The following PAIP2 variants were observed in gnomAD, a reference collection of about 807,000 sequenced individuals.
The protein encoded by PAIP2 is poly(A) binding protein interacting protein 2, also known as polyadenylate-binding protein-interacting protein 2.
In PAIP2, 7 loss-of-function variants were observed where a neutral mutation model predicts 14.8. The ratio of observed to expected loss-of-function variants is 0.47; its 90% CI spans 0.27 to 0.89. The LOEUF (loss-of-function observed/expected upper bound fraction) is 0.89, where lower values mean the gene tolerates loss of function less well. PAIP2 is among the 40% of genes least tolerant of loss of function. The pLI is 0.13. For synonymous variants in PAIP2, 47 were observed against 45.3 expected (o/e 1.04, Z -0.15); for missense variants, 122 against 154.7 (o/e 0.79, Z 1.12).
At chr5:139,359,532 C>G (rs1261275029) in intron 1 of PAIP2, among the ~76,000 whole-genome samples, 2 of 152,128 alleles carry the variant, frequency 1.3e-5, no homozygotes, top group African/African-American at 4.8e-5. Flanking sequence ...TTGTACCTAA[C>G]TTAATGATAA....
intron 1 of PAIP2, among the ~76,000 whole-genome samples, chr5:139,363,237 T>C (rs1328073715): frequency 6.6e-6 from 1 of 151,056 alleles, no homozygotes; most frequent in Non-Finnish European, 1.5e-5. Flanking sequence ...TGAAACTCTA[T>C]CTCAAAAAAA....
At chr5:139,346,657 G>T (rs768467481) in intron 1 of PAIP2, among the ~76,000 whole-genome samples, 1 of 149,742 alleles carries the variant, frequency 6.7e-6, no homozygotes, top group Non-Finnish European at 1.5e-5. Flanking sequence ...TCAGCCTCCC[G>T]AGTAGCTGGG....
chr5:139,364,658 G>A lies in PAIP2; in HGVS notation c.233G>A (p.Arg78Gln). The A allele has an allele frequency of 6.2e-7, 1 of 1,611,210 alleles. No homozygotes were observed. The highest frequency in any genetic ancestry group is 1.7e-5 in the Admixed American group (1 of 59,928). The change falls in exon 3 of 4, where the codon CGA becomes CAA. Residue 78 changes from arginine to glutamine, a missense_variant. Physicochemically the swap from Arg to Gln is conservative, Grantham distance 43. This residue lies in a region of PAIP2 where 34 missense variants were observed against 74.0 expected (regional missense o/e 0.46). Coordinates refer to ENST00000265192, the MANE Select transcript of PAIP2 (RefSeq NM_016480.5). ...GAGCATGAATGGTTTATTCCAGCTC[G>A]AGATCTCCCACAAACTATGGACCAA... is the stretch of plus-strand genomic sequence containing the variant. ...EEEHEWFIPA[R>Q]DLPQTMDQIQ...
In PAIP2 at chr5:139,364,560, C is replaced by G; in HGVS notation, c.139-4C>G. The G allele has an allele frequency of 6.5e-7, 1 of 1,542,542 alleles. No individual in the cohort carries two copies. The highest frequency in any genetic ancestry group is 2.2e-5 in the East Asian group (1 of 44,502). On this transcript the variant is annotated splice_region_variant and splice_polypyrimidine_tract_variant and intron_variant, in intron 2 of 3. Coordinates refer to ENST00000265192, the MANE Select transcript of PAIP2 (RefSeq NM_016480.5). ...CTATAAATTATCCTTTATTATAAATCTAGATAGAAGAGGAGTTATGGGAAG... is the reference window on the plus strand; with the variant it reads ...CTATAAATTATCCTTTATTATAAATGTAGATAGAAGAGGAGTTATGGGAAG...
intron 1 of PAIP2, among the ~76,000 whole-genome samples, chr5:139,357,845 AAT>A (rs1756960210): frequency 6.6e-6 from 1 of 152,292 alleles, no homozygotes; most frequent in African/African-American, 2.4e-5. Context: ...AAATAAAAAT[AAT>A]ATTGATATTG....
At chr5:139,365,581 G>A (rs894457263) in intron 3 of PAIP2, among the ~76,000 whole-genome samples, 3 of 151,798 alleles carry the variant, frequency 2.0e-5, no homozygotes, top group Admixed American at 1.3e-4. Context: ...CAGGAGAATC[G>A]CTTCAACCTG....
At chr5:139,347,779 A>C (rs918044532) in intron 1 of PAIP2, among the ~76,000 whole-genome samples, 2 of 152,208 alleles carry the variant, frequency 1.3e-5, no homozygotes, top group Non-Finnish European at 2.9e-5. Context: ...TCCATAAAAA[A>C]AAAAAAGATG....
intron 1 of PAIP2, among the ~76,000 whole-genome samples, chr5:139,349,414 A>T (rs1261194323): frequency 6.6e-6 from 1 of 151,908 alleles, no homozygotes; most frequent in East Asian, 2.0e-4. Context: ...ATGCCTGGCT[A>T]ATTTTTGTAT....
intron 3 of PAIP2, among the ~76,000 whole-genome samples, chr5:139,367,987 A>G (rs1167270252): frequency 6.6e-6 from 1 of 151,550 alleles, no homozygotes; most frequent in Admixed American, 6.6e-5. Flanking sequence ...GCAGATCACG[A>G]GGTCAGATCA....
intron 1 of PAIP2, among the ~76,000 whole-genome samples, chr5:139,352,257 T>C (rs944865582): frequency 7.2e-6 from 1 of 139,464 alleles, no homozygotes; most frequent in African/African-American, 2.4e-5. Context: ...GAAATCTGAT[T>C]TACAAGTATT....
At chr5:139,368,565 G>T (rs1757442767) in intron 3 of PAIP2, among the ~76,000 whole-genome samples, 168 bp from the exon 4 acceptor site, 1 of 151,638 alleles carries the variant, frequency 6.6e-6, no homozygotes, top group South Asian at 2.1e-4. Flanking sequence ...AATTTAATAT[G>T]ATATATAGCT....
chr5:139,357,909 A>G (rs1267495819), intron 1 of PAIP2, among the ~76,000 whole-genome samples: 9 of 152,248 alleles, frequency 5.9e-5, no homozygotes, highest in Non-Finnish European at 1.0e-4. Flanking sequence ...AGGCTTACCA[A>G]GCTGCAAATG....
intron 1 of PAIP2, chr5:139,342,506 A>C (rs1756413630): frequency 6.6e-6 from 1 of 151,974 alleles, no homozygotes. Context: ...GGAACGCTGC[A>C]ACCGTCGACG....
At chr5:139,359,167 C>A (rs1054292351) in intron 1 of PAIP2, among the ~76,000 whole-genome samples, 1 of 152,046 alleles carries the variant, frequency 6.6e-6, no homozygotes, top group African/African-American at 2.4e-5. Flanking sequence ...CAGAGTCTTA[C>A]TCTGTCTCCC....
Position 139,365,025 on chromosome 5 carries a change from T to A in PAIP2, c.318+282T>A, listed in dbSNP as rs1757173945. 2.7e-5 allele frequency: 5 copies of A among 183,118 alleles called. No individual in the cohort carries two copies. In the South Asian group the frequency reaches 7.2e-4, roughly 26 times the overall value. The allele number at this position is 183,118 out of a possible 1,614,324, so 11.3% of individuals were successfully genotyped here. A position where few individuals can be genotyped will look rare whatever the true frequency, so the allele number is the denominator to read the frequency against. On this transcript the variant is annotated intron_variant, in intron 3 of 3. Transcript: ENST00000265192. The stretch of plus-strand genomic sequence containing the variant: ...CGGGCATGGTAGCACATGCCTGTGA[T>A]CCCAGCTACTCGGGAGGCTGAGGCA...
At chr5:139,359,569 C>T (rs1199538438) in intron 1 of PAIP2, among the ~76,000 whole-genome samples, 4 of 152,156 alleles carry the variant, frequency 2.6e-5, no homozygotes, top group Non-Finnish European at 5.9e-5. Context: ...AACCAAAGTT[C>T]CATCCAGTTG....
intron 2 of PAIP2, chr5:139,364,178 A>G: frequency 4.2e-6 from 2 of 476,034 alleles, no homozygotes; most frequent in East Asian, 3.7e-5. Context: ...AAACTTTTTC[A>G]GAGCTCTCAG....
chr5:139,345,002 G>C (rs1242481443), intron 1 of PAIP2, among the ~76,000 whole-genome samples: 1 of 152,140 alleles, frequency 6.6e-6, no homozygotes, highest in Non-Finnish European at 1.5e-5. Context: ...CACACAGTTA[G>C]TAAAGCAGCC....
At chr5:139,361,935 C>CAAA (rs34168919) in intron 1 of PAIP2, among the ~76,000 whole-genome samples, 26 of 99,864 alleles carry the variant, frequency 2.6e-4, no homozygotes, top group Middle Eastern at 5.0e-3. Context: ...GACCCTGTCT[C>CAAA]AAAAAAAAAA....
Sources: allele counts gnomAD v4.1 joint callset (sites outside exome capture counted in the v4.1 genomes callset), GRCh38; gene constraint gnomAD v4.1.1; regional missense constraint gnomAD v4.1.1; transcripts MANE v1.5; gene names NCBI Gene and HGNC (gene_info 2026-07-23, HGNC 2026-07-21).